The following TMTC1 variants were observed in gnomAD, a reference collection of about 807,000 sequenced individuals.
TMTC1 encodes protein O-mannosyl-transferase TMTC1.
In TMTC1, 73 loss-of-function variants were observed where a neutral mutation model predicts 104.8. The observed-to-expected ratio is 0.70, with a 90% CI of 0.58 to 0.85. The LOEUF (loss-of-function observed/expected upper bound fraction) is 0.85. Ranked by LOEUF, TMTC1 falls within the 40% of genes least tolerant of loss-of-function variation. The probability of loss-of-function intolerance (pLI) is 0.00; values close to 1 mark genes in which losing one functional copy is unlikely to be tolerated. For synonymous variants in TMTC1, 434 were observed against 428.7 expected (o/e 1.01, Z -0.15); for missense variants, 1,035 against 1,096.1 (o/e 0.94, Z 0.79).
At chr12:29,519,193 G>T (rs1251093886) in intron 12 of TMTC1, 1 of 152,058 alleles carries the variant, frequency 6.6e-6, no homozygotes, top group Non-Finnish European at 1.5e-5. Flanking sequence ...CTTGTCCAAT[G>T]CATTATATAT....
At chr12:29,770,718 A>T (rs752890370) in intron 1 of TMTC1, among the ~76,000 whole-genome samples, 3 of 152,188 alleles carry the variant, frequency 2.0e-5, no homozygotes, top group Non-Finnish European at 2.9e-5. Flanking sequence ...CTGAATCTGG[A>T]GTTAGGAATA....
chr12:29,736,327 T>C (rs1390167401), intron 5 of TMTC1, among the ~76,000 whole-genome samples: 2 of 151,180 alleles, frequency 1.3e-5, no homozygotes, highest in African/African-American at 4.9e-5. Context: ...GTTTATCACA[T>C]TATTTTTTCA....
At chr12:29,612,955 C>CATTCT (rs2136433320) in intron 6 of TMTC1, among the ~76,000 whole-genome samples, 1 of 152,288 alleles carries the variant, frequency 6.6e-6, no homozygotes, top group Non-Finnish European at 1.5e-5. Context: ...CTAGTGACCA[C>CATTCT]AGGGGTTCAA....
intron 5 of TMTC1, among the ~76,000 whole-genome samples, chr12:29,708,257 T>A (rs1311183008): frequency 6.6e-6 from 1 of 152,238 alleles, no homozygotes; most frequent in East Asian, 1.9e-4. Context: ...TCTGGTACTG[T>A]GCCTGGCACA....
intron 5 of TMTC1, among the ~76,000 whole-genome samples, chr12:29,702,294 A>G (rs1264212959): frequency 6.6e-6 from 1 of 152,192 alleles, no homozygotes; most frequent in Non-Finnish European, 1.5e-5. Flanking sequence ...TATATTGTCC[A>G]CTGAAAAATT....
At chr12:29,545,629 TCACACACACACACACACACACA>T (rs55958433) in intron 10 of TMTC1, among the ~76,000 whole-genome samples, 1 of 73,528 alleles carries the variant, frequency 1.4e-5, no homozygotes, top group South Asian at 4.6e-4. Flanking sequence ...CAAGACTCTG[TCACACACACACACACACACACA>T]CACACACACA....
intron 6 of TMTC1, among the ~76,000 whole-genome samples, chr12:29,616,012 G>A (rs1946968550): frequency 6.6e-6 from 1 of 152,088 alleles, no homozygotes. Flanking sequence ...CCTAAAAAGG[G>A]GTTCCAAATT....
intron 5 of TMTC1, chr12:29,666,308 A>G: frequency 2.6e-6 from 1 of 378,674 alleles, no homozygotes; most frequent in Non-Finnish European, 5.0e-6. Context: ...GCTCACTGCA[A>G]GCTCCGCTTC....
chr12:29,749,596 C>T (rs915001756), intron 5 of TMTC1, among the ~76,000 whole-genome samples: 3 of 152,112 alleles, frequency 2.0e-5, no homozygotes, highest in African/African-American at 7.2e-5. Context: ...CACCTTCTTT[C>T]CCTCCATGGC....
At chr12:29,571,352 G>A (rs1331142391) in intron 9 of TMTC1, among the ~76,000 whole-genome samples, 4 of 152,002 alleles carry the variant, frequency 2.6e-5, no homozygotes, top group Admixed American at 6.6e-5. Flanking sequence ...GAAAGTCAGA[G>A]CTGCAATTCA....
intron 10 of TMTC1, among the ~76,000 whole-genome samples, chr12:29,545,099 C>T (rs1165128297): frequency 6.6e-6 from 1 of 151,930 alleles, no homozygotes; most frequent in Non-Finnish European, 1.5e-5. Context: ...TTCTCCTCTC[C>T]AGCAAGATTC....
chr12:29,694,656 G>A (rs1941362781), intron 5 of TMTC1, among the ~76,000 whole-genome samples: 1 of 152,036 alleles, frequency 6.6e-6, no homozygotes, highest in African/African-American at 2.4e-5. Context: ...ACTGCAACAA[G>A]CGGCTGGGTG....
At chr12:29,699,652 T>TC (rs1191858120) in intron 5 of TMTC1, among the ~76,000 whole-genome samples, 1 of 77,384 alleles carries the variant, frequency 1.3e-5, no homozygotes, top group African/African-American at 7.1e-5. Flanking sequence ...TCTGGTGCTT[T>TC]TTTTTTTTTT....
Position 29,783,941 on chromosome 12 carries a change from A to C in TMTC1, c.-190T>G. ...GCGGAGTTGGCCCAGCTGCAAATAAACAGCAGTCCCCCCGCCTCCCCCGGC... is the reference window on the plus strand; with the variant it reads ...GCGGAGTTGGCCCAGCTGCAAATAACCAGCAGTCCCCCCGCCTCCCCCGGC... On this transcript the variant is annotated 5_prime_UTR_variant, in exon 1 of 18. Coordinates refer to ENST00000539277, the MANE Select transcript of TMTC1 (RefSeq NM_001193451.2). The surrounding 1 kb of genome is among the most constrained non-coding windows in gnomAD (Gnocchi z 4.7). The C allele has an allele frequency of 3.0e-6, 1 of 331,990 alleles. No individual in the cohort carries two copies. Among genetic ancestry groups the C allele is most frequent in the Non-Finnish European group, 4.5e-6 (1 of 224,664 alleles). 20.6% of individuals were successfully genotyped at this position (331,990 alleles called of 1,614,324 possible).
chr12:29,627,763 G>T (rs1332491283), intron 6 of TMTC1, among the ~76,000 whole-genome samples: 1 of 151,214 alleles, frequency 6.6e-6, no homozygotes, highest in African/African-American at 2.4e-5. Context: ...TAAGCAAACT[G>T]TGGTATATGC....
intron 6 of TMTC1, among the ~76,000 whole-genome samples, chr12:29,632,237 C>T (rs1591831419): frequency 6.6e-6 from 1 of 152,084 alleles, no homozygotes; most frequent in East Asian, 1.9e-4. Flanking sequence ...GATGGAAAGA[C>T]CTTCAGGTAA....
At chr12:29,722,708 T>G (rs1374719112) in intron 5 of TMTC1, among the ~76,000 whole-genome samples, 2 of 151,728 alleles carry the variant, frequency 1.3e-5, no homozygotes, top group Non-Finnish European at 2.9e-5. Context: ...ACACCTGAGG[T>G]CAGGAGTTCA....
intron 5 of TMTC1, among the ~76,000 whole-genome samples, chr12:29,662,989 G>C (rs1488804916): frequency 6.6e-6 from 1 of 152,172 alleles, no homozygotes; most frequent in Non-Finnish European, 1.5e-5. Flanking sequence ...TGACAAGAAA[G>C]AACACCAGGG....
chr12:29,767,269 A>G (rs1240608037), intron 2 of TMTC1, among the ~76,000 whole-genome samples: 3 of 152,126 alleles, frequency 2.0e-5, no homozygotes, highest in Non-Finnish European at 4.4e-5. Context: ...TTTTAAATAA[A>G]TTTTTCATCA....
Sources: allele counts gnomAD v4.1 joint callset (sites outside exome capture counted in the v4.1 genomes callset), GRCh38; gene constraint gnomAD v4.1.1; non-coding constraint Gnocchi (gnomAD v3.1); transcripts MANE v1.5; gene names NCBI Gene and HGNC (gene_info 2026-07-23, HGNC 2026-07-21).